Variants in ENPP6 observed in about 807,000 individuals in gnomAD.
ENPP6 encodes ectonucleotide pyrophosphatase/phosphodiesterase 6.
A neutral mutation model predicts 42.0 loss-of-function variants in ENPP6; 32 were observed. The ratio of observed to expected loss-of-function variants is 0.76; its 90% CI spans 0.58 to 1.02. ENPP6 has a LOEUF of 1.02. Among genes scored for constraint, ENPP6 ranks in the 50% least tolerant of loss-of-function variants. ENPP6 has a pLI of 0.00. For missense variants in ENPP6, 552 were observed against 566.8 expected (o/e 0.97, Z 0.27); for synonymous variants, 213 against 216.0 (o/e 0.99, Z 0.12).
chr4:184,128,683 G>C (rs1026500165), intron 2 of ENPP6, among the ~76,000 whole-genome samples: 4 of 151,654 alleles, frequency 2.6e-5, no homozygotes, highest in African/African-American at 9.7e-5. Context: ...GACAGTTCAA[G>C]ACATAAAGAA....
chr4:184,178,116 A>C (rs1732482882), intron 1 of ENPP6, among the ~76,000 whole-genome samples: 1 of 152,162 alleles, frequency 6.6e-6, no homozygotes, highest in African/African-American at 2.4e-5. Flanking sequence ...AGAAGCTAAG[A>C]ATCATAATAA....
intron 3 of ENPP6, among the ~76,000 whole-genome samples, chr4:184,123,354 T>C (rs1011106262): frequency 2.6e-5 from 4 of 152,130 alleles, no homozygotes; most frequent in South Asian, 2.1e-4. Flanking sequence ...AGGCTCCTTT[T>C]CTTGGGGGGA....
At chr4:184,122,004 A>G (rs970451128) in intron 3 of ENPP6, among the ~76,000 whole-genome samples, 5 of 152,094 alleles carry the variant, frequency 3.3e-5, no homozygotes, top group Non-Finnish European at 5.9e-5. Flanking sequence ...CATCCAGCCT[A>G]TTATTATTCT....
chr4:184,187,483 C>T (rs541495498), intron 1 of ENPP6, among the ~76,000 whole-genome samples: 1 of 152,330 alleles, frequency 6.6e-6, no homozygotes, highest in South Asian at 2.1e-4. Flanking sequence ...CTCTTGGCTT[C>T]CTCCAATATC....
At chr4:184,177,162 C>G (rs994331040) in intron 1 of ENPP6, among the ~76,000 whole-genome samples, 1 of 152,180 alleles carries the variant, frequency 6.6e-6, no homozygotes, top group African/African-American at 2.4e-5. Context: ...CCCCAGTCTG[C>G]CATTTCCCCT....
rs538629198 is a variant in ENPP6 at position 184,214,964 on chromosome 4, G to A, written c.241+2615C>T. The stretch of plus-strand genomic sequence containing the variant: ...GTATGCCTCTGTAACAAAACTGCAC[G>A]TTCTGCACATGTGTCCCAGAATTTA... On this transcript the variant is annotated intron_variant, in intron 1 of 7. Transcript: ENST00000296741. 3.9e-5 allele frequency among the ~76,000 whole-genome samples: 6 copies of A among 152,290 alleles called. No individual in the cohort carries two copies. The East Asian group carries it at 5.8e-4, about 15-fold the overall frequency.
chr4:184,128,373 GT>G (rs1553995833), intron 2 of ENPP6, among the ~76,000 whole-genome samples: 1 of 152,026 alleles, frequency 6.6e-6, no homozygotes, highest in Non-Finnish European at 1.5e-5. Flanking sequence ...TAGACACGAG[GT>G]TTCACCATGA....
chr4:184,208,896 G>A lies in ENPP6; in HGVS notation c.241+8683C>T, dbSNP rs936025531. Among the ~76,000 whole-genome samples the A allele has an allele frequency of 9.0e-5, 13 of 143,974 alleles. No homozygotes were observed. In the East Asian group the frequency reaches 1.2e-3, roughly 13 times the overall value. The allele number at this position is 143,974 out of a possible 152,430, so 94.5% of individuals were successfully genotyped here. ...GCACGCAGCTGGAGATCTGAGAACG[G>A]GCAGACTGCCTCCTCAAGTGGGTCC... On this transcript the variant is annotated intron_variant, in intron 1 of 7. Coordinates refer to ENST00000296741, the MANE Select transcript of ENPP6 (RefSeq NM_153343.4).
chr4:184,194,511 C>A (rs1287341924), intron 1 of ENPP6, among the ~76,000 whole-genome samples: 1 of 152,174 alleles, frequency 6.6e-6, no homozygotes, highest in Non-Finnish European at 1.5e-5. Flanking sequence ...AATGTGAGAT[C>A]CTTCATCCAC....
intron 5 of ENPP6, among the ~76,000 whole-genome samples, chr4:184,116,130 G>A (rs1276806422): frequency 1.3e-5 from 2 of 152,198 alleles, no homozygotes; most frequent in African/African-American, 4.8e-5. Flanking sequence ...GGCTGAGACA[G>A]GAGAATGGCA....
rs576388684 is a variant in ENPP6, at chr4:184,187,138, C to T, written c.241+30441G>A. On this transcript the variant is annotated intron_variant, in intron 1 of 7. Coordinates refer to ENST00000296741, the MANE Select transcript of ENPP6 (RefSeq NM_153343.4). ...GGTCTGGCATCTGTGAGAGGAGATG[C>T]GGAAGGAAAGGACTGGGTAGAAAGG... Among the ~76,000 whole-genome samples, 34 of 152,208 alleles carry T rather than the reference C, an allele frequency of 2.2e-4. No individual in the cohort carries two copies. The South Asian group carries it at 4.2e-3, about 19-fold the overall frequency.
chr4:184,130,018 G>A, intron 2 of ENPP6, among the ~76,000 whole-genome samples: 1 of 152,180 alleles, frequency 6.6e-6, no homozygotes, highest in East Asian at 1.9e-4. Flanking sequence ...CACTTCCTGA[G>A]GTCCCCTTGT....
At chr4:184,131,824 C>CATAT (rs780166830) in intron 2 of ENPP6, among the ~76,000 whole-genome samples, 43 of 140,462 alleles carry the variant, frequency 3.1e-4, no homozygotes, top group Middle Eastern at 7.2e-3. Flanking sequence ...CACACACACA[C>CATAT]ATATATATAT....
chr4:184,115,303 T>C (rs1286592073), intron 5 of ENPP6, among the ~76,000 whole-genome samples: 1 of 152,130 alleles, frequency 6.6e-6, no homozygotes, highest in Non-Finnish European at 1.5e-5. Context: ...CAGATCAGTT[T>C]CATCTGGGAG....
intron 1 of ENPP6, among the ~76,000 whole-genome samples, chr4:184,183,454 A>T (rs1389772469): frequency 1.3e-5 from 2 of 152,074 alleles, no homozygotes; most frequent in Admixed American, 1.3e-4. Flanking sequence ...TTCTCCTTTT[A>T]CAATTTAACT....
At chr4:184,126,630 G>A (rs918800667) in intron 2 of ENPP6, among the ~76,000 whole-genome samples, 1 of 152,176 alleles carries the variant, frequency 6.6e-6, no homozygotes, top group East Asian at 1.9e-4. Flanking sequence ...CTTGCAGAAA[G>A]CTGTAGACAA....
intron 1 of ENPP6, among the ~76,000 whole-genome samples, chr4:184,185,892 A>C (rs1921569): frequency 0.9 from 136,301 of 152,210 alleles, 61,111 homozygotes; most frequent in East Asian, 0.98. Flanking sequence ...GAAAATATGG[A>C]AAATAGTCTA....
chr4:184,132,121 G>C (rs533033670), intron 2 of ENPP6, among the ~76,000 whole-genome samples: 1 of 152,004 alleles, frequency 6.6e-6, no homozygotes, highest in Non-Finnish European at 1.5e-5. Flanking sequence ...CATTGGGGAG[G>C]GAAAAATACA....
chr4:184,183,717 A>G lies in ENPP6; in HGVS notation c.242-29984T>C, dbSNP rs1277917231. The stretch of plus-strand genomic sequence containing the variant: ...AGTTTTTTACCAAACATGCATATCA[A>G]TAAGTCACATGGCAGAGGTGGCTAG... On this transcript the variant is annotated intron_variant, in intron 1 of 7. Coordinates refer to ENST00000296741, the MANE Select transcript of ENPP6 (RefSeq NM_153343.4). Among the ~76,000 whole-genome samples the G allele has an allele frequency of 2.0e-5, 3 of 152,320 alleles. No individual in the cohort carries two copies. The East Asian group carries it at 5.8e-4, about 29-fold the overall frequency.
Sources: allele counts gnomAD v4.1 joint callset (sites outside exome capture counted in the v4.1 genomes callset), GRCh38; gene constraint gnomAD v4.1.1; transcripts MANE v1.5; gene names NCBI Gene and HGNC (gene_info 2026-07-23, HGNC 2026-07-21).